The following MMP17 variants were observed in gnomAD, a reference collection of about 807,000 sequenced individuals.
MMP17 encodes matrix metalloproteinase-17.
MMP17 carries 54 observed loss-of-function variants against 49.1 expected under a neutral mutation model. The ratio of observed to expected loss-of-function variants is 1.10; its 90% CI spans 0.88 to 1.38. The LOEUF is 1.38. Among genes scored for constraint, MMP17 ranks in the 40% most tolerant of loss-of-function variants. The pLI, the probability that MMP17 is intolerant of heterozygous loss-of-function variation, is 0.00. For missense variants in MMP17, 837 were observed against 853.7 expected (o/e 0.98, Z 0.24); for synonymous variants, 397 against 383.1 (o/e 1.04, Z -0.42).
At chr12:131,837,877 AT>A in intron 1 of MMP17, among the ~76,000 whole-genome samples, 3 of 152,038 alleles carry the variant, frequency 2.0e-5, no homozygotes, top group African/African-American at 7.2e-5. Context: ...CACCCGGCTA[AT>A]TTTTTGTATT....
intron 8 of MMP17, among the ~76,000 whole-genome samples, chr12:131,847,213 C>T (rs540557149): frequency 1.3e-5 from 2 of 151,924 alleles, no homozygotes; most frequent in African/African-American, 4.8e-5. Flanking sequence ...GAAATCGAGA[C>T]CATCCTGGTT....
At chr12:131,848,063 A>G (rs1230610060) in intron 8 of MMP17, among the ~76,000 whole-genome samples, 2 of 151,980 alleles carry the variant, frequency 1.3e-5, no homozygotes, top group Non-Finnish European at 2.9e-5. Flanking sequence ...TGGTCTTTTT[A>G]TATTATTTTT....
At position 131,846,939 on chromosome 12, in the gene MMP17, G is replaced by A. The variant is rs536653242; in HGVS notation, c.1204+1490G>A. Among the ~76,000 whole-genome samples, 44 of 152,126 alleles carry A rather than the reference G, an allele frequency of 2.9e-4. No homozygotes were observed. The highest frequency in any genetic ancestry group is 1.1e-3 in the African/African-American group (44 of 41,508). Reference sequence around the variant, plus strand: ...TTTGACTCCGTCACCCCCATCACCTGGGAGCCCTCCGGTGACTGTTCCCGG... The same window carrying A: ...TTTGACTCCGTCACCCCCATCACCTAGGAGCCCTCCGGTGACTGTTCCCGG... On this transcript the variant is annotated intron_variant, in intron 8 of 9. Coordinates refer to ENST00000360564, the MANE Select transcript of MMP17 (RefSeq NM_016155.7). The surrounding 1 kb of genome is among the most constrained non-coding windows in gnomAD (Gnocchi z 4.6).
At chr12:131,830,710 C>A (rs981424610) in intron 1 of MMP17, among the ~76,000 whole-genome samples, 3 of 152,166 alleles carry the variant, frequency 2.0e-5, no homozygotes, top group Admixed American at 2.0e-4. Context: ...CTCAGAGCTG[C>A]AGACAGAGCT....
intron 4 of MMP17, 56 bp downstream of exon 4, chr12:131,840,912 T>A (rs1745885919): frequency 6.7e-7 from 1 of 1,500,736 alleles, no homozygotes; most frequent in Admixed American, 2.2e-5. Context: ...CCTGTGAGGC[T>A]GAGGAGCAGC....
At chr12:131,841,571 G>C in intron 4 of MMP17, 53 bp from the exon 5 acceptor site, 4 of 1,596,668 alleles carry the variant, frequency 2.5e-6, no homozygotes, top group Non-Finnish European at 3.4e-6. Flanking sequence ...GTCCCTCCCC[G>C]CGGGGACAGG....
In MMP17 at chr12:131,828,513, CG is replaced by C. The variant is rs1409399373; in HGVS notation, c.23del (p.Gly8AspfsTer49). On this transcript the variant is annotated frameshift_variant, in exon 1 of 10. Coordinates refer to ENST00000360564, the MANE Select transcript of MMP17 (RefSeq NM_016155.7). Reference protein sequence around the residue: MRRRAARGPGPPPPGPG... With the variant: MRRRAAXGPGPPPPGPG... ...GAGCGCCATGCGGCGCCGCGCAGCCCGGGGACCCGGCCCGCCGCCCCCAGGG... is the reference window on the plus strand; with the variant it reads ...GAGCGCCATGCGGCGCCGCGCAGCCCGGGACCCGGCCCGCCGCCCCCAGGG... The C allele has an allele frequency of 1.0e-6, 1 of 994,138 alleles. No homozygotes were observed. Among genetic ancestry groups the C allele is most frequent in the Admixed American group, 6.1e-5 (1 of 16,326 alleles). 61.6% of individuals were successfully genotyped at this position (994,138 alleles called of 1,614,324 possible). A position where few individuals can be genotyped will look rare whatever the true frequency, so the allele number is the denominator to read the frequency against.
At chr12:131,838,167 A>T in intron 1 of MMP17, 28 bp from the exon 2 acceptor site, 1 of 1,582,800 alleles carries the variant, frequency 6.3e-7, no homozygotes, top group Non-Finnish European at 8.6e-7. Context: ...CCTCTGTTGC[A>T]CCCCCTCACC....
intron 3 of MMP17, among the ~76,000 whole-genome samples, chr12:131,839,479 A>T (rs1441724780): frequency 6.6e-6 from 1 of 151,376 alleles, no homozygotes; most frequent in Non-Finnish European, 1.5e-5. Context: ...CACCCAGCTA[A>T]TTTTTTTCTT....
chr12:131,844,042 C>A lies in MMP17; in HGVS notation c.929C>A (p.Pro310His). The A allele has an allele frequency of 6.4e-7, 1 of 1,570,388 alleles. No homozygotes were observed. The highest frequency in any genetic ancestry group is 8.6e-7 in the Non-Finnish European group (1 of 1,160,062). The change falls in exon 6 of 10, where the codon CCC becomes CAC. Residue 310 changes from proline to histidine, a missense_variant. Transcript: ENST00000360564. ...CCCACGGCGCAGCCCGAGGAGCCTC[C>A]CCTGCTGCCGGAGCCCCCAGACAAC... ...VSPTAQPEEP[P>H]LLPEPPDNRS...
chr12:131,838,192 C>T lies in MMP17; in HGVS notation c.160-3C>T. ...ACCCCCTCACCCTGCTCTCTGCCCT[C>T]AGGAGTGGCTAAGCAGGTTCGGTTA... On this transcript the variant is annotated splice_polypyrimidine_tract_variant and splice_region_variant and intron_variant, in intron 1 of 9. Coordinates refer to ENST00000360564, the MANE Select transcript of MMP17 (RefSeq NM_016155.7). The T allele has an allele frequency of 6.2e-7, 1 of 1,611,828 alleles. No homozygotes were observed. Among genetic ancestry groups the T allele is most frequent in the Non-Finnish European group, 8.5e-7 (1 of 1,179,076 alleles).
At chr12:131,830,421 G>C (rs1023907011) in intron 1 of MMP17, among the ~76,000 whole-genome samples, 1 of 152,254 alleles carries the variant, frequency 6.6e-6, no homozygotes, top group South Asian at 2.1e-4. Flanking sequence ...GCAGCCCCCT[G>C]CCTGGAGCCC....
At chr12:131,835,729 T>C (rs1221323744) in intron 1 of MMP17, among the ~76,000 whole-genome samples, 1 of 152,160 alleles carries the variant, frequency 6.6e-6, no homozygotes, top group East Asian at 1.9e-4. Flanking sequence ...GGGGTCATCA[T>C]CCAATATCAT....
chr12:131,851,254 G>A lies in MMP17; in HGVS notation c.1792G>A (p.Ala598Thr). The change falls in exon 10 of 10, where the codon GCC (alanine) becomes ACC (threonine). Residue 598 changes from alanine (A) to threonine (T), a missense_variant. Coordinates refer to ENST00000360564, the MANE Select transcript of MMP17 (RefSeq NM_016155.7). ...GTCACCAGGCGCCCTGTGGACAGCG[G>A]CCCAGGCCCTGACGCTATGACACAC... is the stretch of plus-strand genomic sequence containing the variant. Reference protein sequence around the residue: ...PLSPGALWTAAQALTL With the variant: ...PLSPGALWTATQALTL 1 of 1,436,116 alleles carries A rather than the reference G, an allele frequency of 7.0e-7. No homozygotes were observed. Among genetic ancestry groups the A allele is most frequent in the Non-Finnish European group, 9.2e-7 (1 of 1,091,890 alleles). 89.0% of individuals were successfully genotyped at this position (1,436,116 alleles called of 1,614,324 possible). A position where few individuals can be genotyped will look rare whatever the true frequency, so the allele number is the denominator to read the frequency against.
rs1887714989 is a variant in MMP17, at chr12:131,846,600, C to A, written c.1204+1151C>A. Reference sequence around the variant, plus strand: ...ACGTTGGCCAGGCTGGTCTCGAACTCCTGACTTCAGGTGATCCACCCGCCT... The same window carrying A: ...ACGTTGGCCAGGCTGGTCTCGAACTACTGACTTCAGGTGATCCACCCGCCT... On this transcript the variant is annotated intron_variant, in intron 8 of 9. Coordinates refer to ENST00000360564, the MANE Select transcript of MMP17 (RefSeq NM_016155.7). The surrounding 1 kb of genome is among the most constrained non-coding windows in gnomAD (Gnocchi z 4.6). Among the ~76,000 whole-genome samples the A allele has an allele frequency of 6.6e-6, 1 of 152,094 alleles. No homozygotes were observed. The highest frequency in any genetic ancestry group is 2.4e-5 in the African/African-American group (1 of 41,394).
intron 3 of MMP17, 192 bp from the exon 4 acceptor site, chr12:131,840,381 G>T: frequency 1.8e-6 from 1 of 560,642 alleles, no homozygotes; most frequent in Non-Finnish European, 3.1e-6. Flanking sequence ...CCCTCCCTCC[G>T]TCATCTATCC....
In MMP17 at chr12:131,846,009, C is replaced by T. The variant is rs1887686708; in HGVS notation, c.1204+560C>T. 6.6e-6 allele frequency among the ~76,000 whole-genome samples: 1 copy of T among 152,168 alleles called. No individual in the cohort carries two copies. On this transcript the variant is annotated intron_variant, in intron 8 of 9. Coordinates refer to ENST00000360564, the MANE Select transcript of MMP17 (RefSeq NM_016155.7). The surrounding 1 kb of genome is among the most constrained non-coding windows in gnomAD (Gnocchi z 4.6). ...CCGGTGCCCACCGTTCCAGGAACCA[C>T]CTCGTGGCAGTGTTACAGGAAGCAC...
rs1327082657 is a variant in MMP17, at chr12:131,840,862, T to C, written c.706+6T>C. On this transcript the variant is annotated splice_donor_region_variant and intron_variant, in intron 4 of 9. Transcript: ENST00000360564. ...CTGGACCTTCCGCTCCTCGGGTGCG[T>C]CTGGGGCAGCCCTCAGGGCAGAGTC... 1.3e-6 allele frequency: 2 copies of C among 1,585,926 alleles called. No individual in the cohort carries two copies. The highest frequency in any genetic ancestry group is 1.7e-6 in the Non-Finnish European group (2 of 1,167,156).
chr12:131,849,674 G>A (rs535681425), intron 8 of MMP17, 128 bp from the exon 9 acceptor site: 12 of 1,022,370 alleles, frequency 1.2e-5, no homozygotes, highest in Admixed American at 5.1e-5. Flanking sequence ...CAGTGTGGCC[G>A]CTGTCCCATC....
Sources: allele counts gnomAD v4.1 joint callset (sites outside exome capture counted in the v4.1 genomes callset), GRCh38; gene constraint gnomAD v4.1.1; non-coding constraint Gnocchi (gnomAD v3.1); transcripts MANE v1.5; gene names NCBI Gene and HGNC (gene_info 2026-07-23, HGNC 2026-07-21).